The following SHANK2 variants were observed in gnomAD, a reference collection of about 807,000 sequenced individuals.
SHANK2 encodes SH3 and multiple ankyrin repeat domains protein 2.
Under a neutral mutation model 133.7 loss-of-function variants are expected in SHANK2, and 43 were observed. The ratio of observed to expected loss-of-function variants is 0.32; its 90% CI spans 0.25 to 0.41. The LOEUF is 0.41. Ranked by LOEUF, SHANK2 falls within the 10% of genes least tolerant of loss-of-function variation. SHANK2 has a pLI of 1.00. For missense variants in SHANK2, 1,994 were observed against 2,235.8 expected, an observed-to-expected ratio of 0.89 and a Z score of 2.18; for synonymous variants, 1,017 against 952.8, an observed-to-expected ratio of 1.07 and a Z score of -1.24.
chr11:70,758,770 C>G (rs1179470301), intron 14 of SHANK2, among the ~76,000 whole-genome samples: 1 of 152,214 alleles, frequency 6.6e-6, no homozygotes, highest in African/African-American at 2.4e-5. Flanking sequence ...GTGGCCGTAT[C>G]CCTCCAACTT....
At chr11:70,605,948 T>G (rs938214453) in intron 17 of SHANK2, among the ~76,000 whole-genome samples, 1 of 149,776 alleles carries the variant, frequency 6.7e-6, no homozygotes, top group Non-Finnish European at 1.5e-5. Context: ...AACCTATTAT[T>G]CCCCCCCCTC....
chr11:70,713,683 T>C (rs1202397892), intron 14 of SHANK2, among the ~76,000 whole-genome samples: 2 of 152,108 alleles, frequency 1.3e-5, no homozygotes, highest in African/African-American at 4.8e-5. Flanking sequence ...CGGGTGTCCG[T>C]CACAGCACCG....
chr11:70,471,190 TAAAG>T lies in SHANK2; in HGVS notation c.*1675_*1678del, dbSNP rs1242613146. ...TCTGTACAACTATTTAAACTTGCAG[TAAAG>T]AAAGATTTTAAATTGCTAAATTTTA... is the stretch of plus-strand genomic sequence containing the variant. On this transcript the variant is annotated 3_prime_UTR_variant, in exon 26 of 26. Coordinates refer to ENST00000601538, the MANE Select transcript of SHANK2 (RefSeq NM_012309.5). This position sits in a 1 kb window ranked among gnomAD's most constrained non-coding sequence, Gnocchi z 4.1. The T allele has an allele frequency of 2.8e-5, 11 of 397,084 alleles. No homozygotes were observed. The highest frequency in any genetic ancestry group is 1.3e-4 in the South Asian group (1 of 7,790). 24.6% of individuals were successfully genotyped at this position (397,084 alleles called of 1,614,324 possible).
At chr11:70,694,333 G>A (rs1020450240) in intron 15 of SHANK2, among the ~76,000 whole-genome samples, 7 of 152,222 alleles carry the variant, frequency 4.6e-5, no homozygotes, top group Non-Finnish European at 8.8e-5. Flanking sequence ...ATGAATTGGT[G>A]TGTTTCAACA....
At chr11:70,932,513 A>G (rs1950517132) in intron 10 of SHANK2, among the ~76,000 whole-genome samples, 1 of 152,242 alleles carries the variant, frequency 6.6e-6, no homozygotes, top group Non-Finnish European at 1.5e-5. Context: ...AATTCCCAGG[A>G]AACTACCTCT....
chr11:71,100,369 G>A (rs1488117117), intron 6 of SHANK2, among the ~76,000 whole-genome samples: 3 of 152,198 alleles, frequency 2.0e-5, no homozygotes, highest in Non-Finnish European at 4.4e-5. Context: ...CAATCCAGAG[G>A]TCCTTCAGTA....
intron 17 of SHANK2, among the ~76,000 whole-genome samples, chr11:70,532,957 A>G (rs1364221439): frequency 1.3e-5 from 2 of 152,218 alleles, no homozygotes; most frequent in African/African-American, 4.8e-5. Flanking sequence ...TCCAACAAGG[A>G]GAGCCTCAGA....
chr11:70,774,757 T>C (rs186601693), intron 14 of SHANK2, among the ~76,000 whole-genome samples: 7 of 152,354 alleles, frequency 4.6e-5, no homozygotes, highest in East Asian at 1.9e-4. Flanking sequence ...TTTTATGGCA[T>C]TGAAATTATA....
intron 14 of SHANK2, among the ~76,000 whole-genome samples, chr11:70,773,652 A>G (rs968810905): frequency 2.0e-5 from 3 of 152,256 alleles, no homozygotes; most frequent in African/African-American, 4.8e-5. Flanking sequence ...CTTGTATAAT[A>G]AAGTATTAGT....
At chr11:70,951,340 C>T (rs60137769) in intron 10 of SHANK2, among the ~76,000 whole-genome samples, 2,067 of 149,112 alleles carry the variant, frequency 0.014, 65 homozygotes, top group African/African-American at 0.048. Context: ...TGTGCCATGA[C>T]GTCATAAATT....
At chr11:71,163,093 A>AAAAAAATATAT in intron 2 of SHANK2, among the ~76,000 whole-genome samples, 1 of 84,678 alleles carries the variant, frequency 1.2e-5, no homozygotes, top group African/African-American at 4.6e-5. Context: ...AAAAAAAAAA[A>AAAAAAATATAT]ATACATATAT....
chr11:70,878,054 C>T (rs114084225), intron 11 of SHANK2, among the ~76,000 whole-genome samples: 2,723 of 152,334 alleles, frequency 0.018, 111 homozygotes, highest in African/African-American at 0.063. Context: ...GAGAATGGCT[C>T]AGCCGCCATT....
At chr11:70,831,133 A>G (rs1948718440) in intron 11 of SHANK2, among the ~76,000 whole-genome samples, 1 of 152,120 alleles carries the variant, frequency 6.6e-6, no homozygotes, top group African/African-American at 2.4e-5. Context: ...GAGGGTGGCA[A>G]TGTGAGTGGT....
intron 8 of SHANK2, among the ~76,000 whole-genome samples, chr11:71,085,811 T>C (rs1951390524): frequency 2.7e-5 from 1 of 37,224 alleles, no homozygotes; most frequent in South Asian, 1.5e-3. Flanking sequence ...CATAATATAT[T>C]ATGTTATATT....
intron 14 of SHANK2, among the ~76,000 whole-genome samples, chr11:70,740,266 C>T (rs1946495677): frequency 6.6e-6 from 1 of 152,240 alleles, no homozygotes; most frequent in South Asian, 2.1e-4. Flanking sequence ...CTGCAGCCCA[C>T]ATCTGTATGA....
intron 17 of SHANK2, among the ~76,000 whole-genome samples, chr11:70,619,839 A>C (rs567111853): frequency 2.0e-5 from 3 of 152,244 alleles, no homozygotes; most frequent in African/African-American, 7.2e-5. Flanking sequence ...TGGATGCTGG[A>C]GGGTGAGACG....
chr11:70,590,571 A>C (rs1303440788), intron 17 of SHANK2, among the ~76,000 whole-genome samples: 1 of 152,246 alleles, frequency 6.6e-6, no homozygotes, highest in Non-Finnish European at 1.5e-5. Context: ...CACCGCTCTC[A>C]TCAGTCAGCA....
intron 2 of SHANK2, among the ~76,000 whole-genome samples, chr11:71,170,013 C>CT (rs1478855023): frequency 2.1e-5 from 3 of 140,548 alleles, no homozygotes; most frequent in African/African-American, 5.6e-5. Flanking sequence ...AAGACCTCAT[C>CT]TTTTTTTAAA....
At chr11:70,689,030 A>G (rs1945217156) in intron 15 of SHANK2, among the ~76,000 whole-genome samples, 1 of 152,110 alleles carries the variant, frequency 6.6e-6, no homozygotes, top group South Asian at 2.1e-4. Context: ...TTGGTGTTTG[A>G]CCTGAGGAAC....
Sources: gnomAD v4.1 joint callset for allele counts (sites outside exome capture counted in the v4.1 genomes callset) on GRCh38, gnomAD v4.1.1 for gene constraint, Gnocchi (gnomAD v3.1) non-coding constraint, MANE v1.5 for transcripts, NCBI Gene and HGNC (gene_info 2026-07-23, HGNC 2026-07-21) for gene names.